The following CDA variants were observed in gnomAD, a reference collection of about 807,000 sequenced individuals.
CDA encodes cytidine aminohydrolase.
A neutral mutation model predicts 15.0 loss-of-function variants in CDA; 7 were observed. The observed-to-expected ratio is 0.47, with a 90% CI of 0.26 to 0.87. The LOEUF is 0.87. Ranked by LOEUF, CDA falls within the 40% of genes least tolerant of loss-of-function variation. The pLI, the probability that CDA is intolerant of heterozygous loss-of-function variation, is 0.15. For missense variants in CDA, 159 were observed against 182.7 expected (o/e 0.87, Z 0.75); for synonymous variants, 58 against 73.0 (o/e 0.79, Z 1.05).
chr1:20,600,031 G>A (rs1311404955), intron 1 of CDA, among the ~76,000 whole-genome samples: 1 of 152,220 alleles, frequency 6.6e-6, no homozygotes, highest in East Asian at 1.9e-4. Flanking sequence ...TTTCTACAGG[G>A]TGCTGTTTGA....
rs149251091 is a variant in CDA at position 20,609,990 on chromosome 1, A to G, written c.267-3852A>G. Among the ~76,000 whole-genome samples the G allele has an allele frequency of 4.4e-3, 665 of 152,190 alleles. 6 individuals are homozygous for G. The highest frequency in any genetic ancestry group is 0.015 in the African/African-American group (614 of 41,512). On this transcript the variant is annotated intron_variant, in intron 2 of 3. Coordinates refer to ENST00000375071, the MANE Select transcript of CDA (RefSeq NM_001785.3). ...AATGGTGAGGATTAGAGAAAATAGC[A>G]CCTCAGCTGCTTTATTCTAATCATA...
chr1:20,591,598 G>A lies in CDA; in HGVS notation c.154+2315G>A, dbSNP rs1045437830. Among the ~76,000 whole-genome samples the A allele has an allele frequency of 2.0e-5, 3 of 152,134 alleles. No homozygotes were observed. The South Asian group carries it at 6.2e-4, about 31-fold the overall frequency. On this transcript the variant is annotated intron_variant, in intron 1 of 3. Coordinates refer to ENST00000375071, the MANE Select transcript of CDA (RefSeq NM_001785.3). Reference sequence around the variant, plus strand: ...TTGCATAGGTGATGACTGAAGGCTCGAGCCTCATCCAGTGGAAGGAAGGAA... The same window carrying A: ...TTGCATAGGTGATGACTGAAGGCTCAAGCCTCATCCAGTGGAAGGAAGGAA...
intron 1 of CDA, among the ~76,000 whole-genome samples, chr1:20,600,036 G>A (rs2052627539): frequency 6.6e-6 from 1 of 152,198 alleles, no homozygotes; most frequent in East Asian, 1.9e-4. Flanking sequence ...ACAGGGTGCT[G>A]TTTGAGTAGT....
At chr1:20,594,799 A>AAG (rs1553142360) in intron 1 of CDA, among the ~76,000 whole-genome samples, 1 of 151,746 alleles carries the variant, frequency 6.6e-6, no homozygotes, top group Non-Finnish European at 1.5e-5. Context: ...AAAAAAAAAA[A>AAG]AAAGAAAGAA....
At chr1:20,599,713 C>T (rs1317691225) in intron 1 of CDA, among the ~76,000 whole-genome samples, 1 of 148,154 alleles carries the variant, frequency 6.7e-6, no homozygotes, top group East Asian at 2.0e-4. Flanking sequence ...GACAGGACCA[C>T]TGTCATACCT....
intron 3 of CDA, among the ~76,000 whole-genome samples, chr1:20,616,907 G>A (rs1457169266): frequency 6.6e-6 from 1 of 152,204 alleles, no homozygotes; most frequent in Non-Finnish European, 1.5e-5. Context: ...AGAGAGAAGT[G>A]TGGAAGAACA....
intron 2 of CDA, among the ~76,000 whole-genome samples, chr1:20,608,888 T>G (rs1233616576): frequency 2.0e-5 from 3 of 152,220 alleles, no homozygotes; most frequent in Non-Finnish European, 4.4e-5. Flanking sequence ...TAAGAGCGCC[T>G]GCATACCCCG....
chr1:20,615,758 T>C (rs1194481951), intron 3 of CDA, among the ~76,000 whole-genome samples: 1 of 150,524 alleles, frequency 6.6e-6, no homozygotes, highest in African/African-American at 2.4e-5. Flanking sequence ...CCCTGCACTT[T>C]GGGAGACTGA....
Position 20,613,828 on chromosome 1 carries a change from C to T in CDA, c.267-14C>T. The T allele has an allele frequency of 1.2e-6, 2 of 1,613,268 alleles. No individual in the cohort carries two copies. The highest frequency in any genetic ancestry group is 8.5e-7 in the Non-Finnish European group (1 of 1,179,264). On this transcript the variant is annotated splice_polypyrimidine_tract_variant and intron_variant, in intron 2 of 3. Coordinates refer to ENST00000375071, the MANE Select transcript of CDA (RefSeq NM_001785.3). The stretch of plus-strand genomic sequence containing the variant: ...GGGAGAGACTAATTTGAGTTTGATT[C>T]TTTGCTTCCCCAGTGACATGCAAGA...
intron 1 of CDA, among the ~76,000 whole-genome samples, chr1:20,595,572 GCT>G (rs997692571): frequency 1.3e-5 from 2 of 151,982 alleles, no homozygotes; most frequent in African/African-American, 4.8e-5. Flanking sequence ...CCCGTTTCCC[GCT>G]GTTTCCCCCT....
In CDA at chr1:20,589,122, G is replaced by A. The variant is rs2052524604; in HGVS notation, c.-8G>A. ...CCCGCTGCTCTGCTGCCTGCCCGGG[G>A]TACCAACATGGCCCAGAAGCGTCCT... On this transcript the variant is annotated 5_prime_UTR_variant, in exon 1 of 4. Transcript: ENST00000375071. The A allele has an allele frequency of 1.2e-6, 2 of 1,613,940 alleles. No individual in the cohort carries two copies. The highest frequency in any genetic ancestry group is 1.3e-5 in the African/African-American group (1 of 74,918).
At chr1:20,609,735 CAT>C (rs1450758318) in intron 2 of CDA, among the ~76,000 whole-genome samples, 1 of 152,164 alleles carries the variant, frequency 6.6e-6, no homozygotes, top group African/African-American at 2.4e-5. Context: ...TTTTGGTCGA[CAT>C]GTCTGGAATG....
At chr1:20,593,649 A>G (rs1317407884) in intron 1 of CDA, among the ~76,000 whole-genome samples, 2 of 152,186 alleles carry the variant, frequency 1.3e-5, no homozygotes, top group East Asian at 3.9e-4. Context: ...AGCCTAGTTC[A>G]CTGCAGTCTC....
At position 20,595,939 on chromosome 1, in the gene CDA, A is replaced by C. The variant is rs925958927; in HGVS notation, c.154+6656A>C. Among the ~76,000 whole-genome samples, 3 of 151,438 alleles carry C rather than the reference A, an allele frequency of 2.0e-5. No homozygotes were observed. The East Asian group carries it at 5.8e-4, about 29-fold the overall frequency. ...TGAGGTGGGTGGATCACCTGAGGTCAGGAGTTCAAGACCAGCCTGGCCAAT... is the reference window on the plus strand; with the variant it reads ...TGAGGTGGGTGGATCACCTGAGGTCCGGAGTTCAAGACCAGCCTGGCCAAT... On this transcript the variant is annotated intron_variant, in intron 1 of 3. Coordinates refer to ENST00000375071, the MANE Select transcript of CDA (RefSeq NM_001785.3).
chr1:20,611,239 C>CAAAT (rs1299519050), intron 2 of CDA, among the ~76,000 whole-genome samples: 4 of 152,140 alleles, frequency 2.6e-5, no homozygotes, highest in East Asian at 3.9e-4. Flanking sequence ...GACCCTGTCT[C>CAAAT]AAATAAATAA....
chr1:20,611,845 C>CT lies in CDA; in HGVS notation c.267-1994dup, dbSNP rs567213717. Reference sequence around the variant, plus strand: ...ACTTTATTCTTTCATGCCTCAGGGCCTTTGCACATACTGTTTTTTTGTTTG... The same window carrying CT: ...ACTTTATTCTTTCATGCCTCAGGGCCTTTTGCACATACTGTTTTTTTGTTTG... On this transcript the variant is annotated intron_variant, in intron 2 of 3. Transcript: ENST00000375071. Among the ~76,000 whole-genome samples the CT allele has an allele frequency of 2.6e-5, 4 of 152,006 alleles. No homozygotes were observed. In the South Asian group the frequency reaches 8.3e-4, roughly 32 times the overall value.
At chr1:20,599,048 A>T (rs186345395) in intron 1 of CDA, among the ~76,000 whole-genome samples, 141 of 152,346 alleles carry the variant, frequency 9.3e-4, no homozygotes, top group African/African-American at 3.1e-3. Context: ...CAGTAGTGGG[A>T]GGAAGCCATT....
chr1:20,591,218 G>C (rs1431323718), intron 1 of CDA, among the ~76,000 whole-genome samples: 1 of 152,116 alleles, frequency 6.6e-6, no homozygotes, highest in African/African-American at 2.4e-5. Flanking sequence ...ATGGGTGCCT[G>C]TAGTCCCAGC....
At chr1:20,601,951 T>G (rs2052648058) in intron 1 of CDA, among the ~76,000 whole-genome samples, 1 of 151,710 alleles carries the variant, frequency 6.6e-6, no homozygotes, top group Non-Finnish European at 1.5e-5. Flanking sequence ...CAACCCCATC[T>G]CTACAAAAAA....
Sources: gnomAD v4.1 joint callset for allele counts (sites outside exome capture counted in the v4.1 genomes callset) on GRCh38, gnomAD v4.1.1 for gene constraint, MANE v1.5 for transcripts, NCBI Gene and HGNC (gene_info 2026-07-23, HGNC 2026-07-21) for gene names.